The following RUFY4 variants were observed in gnomAD, a reference collection of about 807,000 sequenced individuals.
The protein encoded by RUFY4 is RUN and FYVE domain-containing protein 4.
In RUFY4, 73 loss-of-function variants were observed where a neutral mutation model predicts 69.0. That is an observed-to-expected ratio of 1.06 (90% CI 0.88 to 1.29). The LOEUF is 1.29. Among genes scored for constraint, RUFY4 ranks in the 50% most tolerant of loss-of-function variants. RUFY4 has a pLI of 0.00. For missense variants in RUFY4, 770 were observed against 705.6 expected, an observed-to-expected ratio of 1.09 and a Z score of -1.03; for synonymous variants, 287 against 271.8, an observed-to-expected ratio of 1.06 and a Z score of -0.55.
chr2:218,073,022 G>A, intron 4 of RUFY4, 137 bp downstream of exon 6: 1 of 956,712 alleles, frequency 1.0e-6, no homozygotes, highest in Non-Finnish European at 1.5e-6. Flanking sequence ...GAAAAATCAA[G>A]GGAGAAAGGG....
rs549321447 is a variant in RUFY4 at position 218,055,760 on chromosome 2, G to A, written c.-1157-2835G>A. On this transcript the variant is annotated intron_variant and NMD_transcript_variant, in intron 2 of 13. Transcript: ENST00000457754. Reference sequence around the variant, plus strand: ...CATGCCTGATGTATGGGTCCACCCAGAATGTTCACCAACCATCCCCGCCAC... The same window carrying A: ...CATGCCTGATGTATGGGTCCACCCAAAATGTTCACCAACCATCCCCGCCAC... Among the ~76,000 whole-genome samples, 5 of 152,260 alleles carry A rather than the reference G, an allele frequency of 3.3e-5. 1 individual carries two copies. In the South Asian group the frequency reaches 1.0e-3, roughly 32 times the overall value.
At chr2:218,051,760 G>A (rs942212704) in intron 2 of RUFY4, among the ~76,000 whole-genome samples, 6 of 151,998 alleles carry the variant, frequency 3.9e-5, no homozygotes, top group Non-Finnish European at 8.8e-5. Context: ...CTGACATCAG[G>A]GGTACCATGG....
At chr2:218,047,041 TAAAA>T (rs201363231) in intron 2 of RUFY4, among the ~76,000 whole-genome samples, 1 of 123,248 alleles carries the variant, frequency 8.1e-6, no homozygotes. Context: ...TCATTGTGGT[TAAAA>T]AAAAAAAAAA....
chr2:218,075,053 G>C, intron 6 of RUFY4, 40 bp from the exon 9 acceptor site: 1 of 1,474,384 alleles, frequency 6.8e-7, no homozygotes, highest in Non-Finnish European at 9.0e-7. Context: ...TCAGTGAATT[G>C]GTGCTGAGAG....
chr2:218,050,336 G>C (rs1688915231), intron 2 of RUFY4, among the ~76,000 whole-genome samples: 1 of 152,186 alleles, frequency 6.6e-6, no homozygotes, highest in Non-Finnish European at 1.5e-5. Context: ...AACTCACCAA[G>C]CTACAGTAGG....
At chr2:218,045,995 A>G (rs1688818360) in intron 2 of RUFY4, among the ~76,000 whole-genome samples, 1 of 151,926 alleles carries the variant, frequency 6.6e-6, no homozygotes, top group Non-Finnish European at 1.5e-5. Flanking sequence ...TTTAGTAGAG[A>G]CAGGGTTTCA....
chr2:218,076,876 A>G (rs1689647106), intron 8 of RUFY4, among the ~76,000 whole-genome samples: 1 of 151,252 alleles, frequency 6.6e-6, no homozygotes, highest in South Asian at 2.1e-4. Context: ...TCCCTACTCC[A>G]CTGGACTTCT....
intron 2 of RUFY4, among the ~76,000 whole-genome samples, chr2:218,053,010 A>G (rs1335151927): frequency 1.3e-5 from 2 of 152,162 alleles, no homozygotes; most frequent in East Asian, 3.8e-4. Flanking sequence ...CCCAGGCTCA[A>G]GTGCAATCGC....
At chr2:218,046,303 T>C (rs1327889902) in intron 2 of RUFY4, among the ~76,000 whole-genome samples, 1 of 152,112 alleles carries the variant, frequency 6.6e-6, no homozygotes, top group African/African-American at 2.4e-5. Flanking sequence ...TCCTGTCTAA[T>C]TGTGTATCCT....
chr2:218,074,024 G>A (rs1015997571), intron 6 of RUFY4, 139 bp downstream of exon 8: 7 of 847,174 alleles, frequency 8.3e-6, no homozygotes, highest in Non-Finnish European at 1.4e-5. Flanking sequence ...AGAGGCCAGT[G>A]TGTGGAGCAG....
intron 10 of RUFY4, 21 bp downstream of exon 12, chr2:218,089,383 T>C (rs768106490): frequency 6.2e-7 from 1 of 1,602,056 alleles, no homozygotes; most frequent in African/African-American, 1.3e-5. Context: ...GGGCACAGAA[T>C]CCTCCCTCTG....
At chr2:218,073,741 G>T in intron 5 of RUFY4, 75 bp from the exon 8 acceptor site, 1 of 1,522,220 alleles carries the variant, frequency 6.6e-7, no homozygotes, top group South Asian at 1.1e-5. Flanking sequence ...GTGGAAAGAT[G>T]GGATACCCTC....
At chr2:218,084,541 C>T (rs932834310) in intron 9 of RUFY4, among the ~76,000 whole-genome samples, 5 of 152,008 alleles carry the variant, frequency 3.3e-5, no homozygotes, top group Non-Finnish European at 5.9e-5. Context: ...AATCCTCTTA[C>T]ACAATATCCA....
intron 2 of RUFY4, among the ~76,000 whole-genome samples, chr2:218,054,540 G>T (rs1242278094): frequency 7.0e-6 from 1 of 141,980 alleles, no homozygotes; most frequent in African/African-American, 2.7e-5. Context: ...GGGCGACAGA[G>T]TGAGACTCTG....
At chr2:218,071,800 G>A (rs1296251834) in intron 2 of RUFY4, among the ~76,000 whole-genome samples, 2 of 152,194 alleles carry the variant, frequency 1.3e-5, no homozygotes, top group African/African-American at 4.8e-5. Flanking sequence ...ATCGGGAGGA[G>A]AAGAGGATGA....
chr2:218,044,504 G>GGGGTTTGT (rs1164353690), intron 2 of RUFY4, among the ~76,000 whole-genome samples: 4 of 152,104 alleles, frequency 2.6e-5, no homozygotes, highest in African/African-American at 9.6e-5. Flanking sequence ...TTGTGTCATG[G>GGGGTTTGT]GGGTTTGTTG....
intron 9 of RUFY4, among the ~76,000 whole-genome samples, chr2:218,085,761 G>A (rs1244048152): frequency 1.3e-5 from 2 of 152,188 alleles, no homozygotes; most frequent in African/African-American, 4.8e-5. Context: ...TTCACTAAAG[G>A]AATTCAAGTG....
In RUFY4 at chr2:218,061,232, G is replaced by A. The variant is rs553037813; in HGVS notation, c.-1071+2551G>A. ...GCATCGGCAGGGAGTTTCACATCAC[G>A]TTCAGTAGAAACATCAGGGCATAGA... On this transcript the variant is annotated intron_variant and NMD_transcript_variant, in intron 3 of 13. Transcript: ENST00000457754. 3.5e-4 allele frequency: 129 copies of A among 373,776 alleles called. 2 individuals are homozygous for A. Among genetic ancestry groups the A allele is most frequent in the South Asian group, 1.2e-3 (59 of 48,024 alleles). The allele number at this position is 373,776 out of a possible 1,614,324, so 23.2% of individuals were successfully genotyped here. A position where few individuals can be genotyped will look rare whatever the true frequency, so the allele number is the denominator to read the frequency against.
rs370879584 is a variant in RUFY4 at position 218,089,994 on chromosome 2, C to T, written c.1656C>T (p.Tyr552=). 246 of 1,569,606 alleles carry T rather than the reference C, an allele frequency of 1.6e-4. 1 individual carries two copies. In the African/African-American group the frequency reaches 3.1e-3, roughly 20 times the overall value. ...TCTGCCATGCTTGCTCCATGGATTA[C>T]AAGAAGAGAGACCGCTGCTGCCCAC... is the stretch of plus-strand genomic sequence containing the variant. The change falls in exon 11 of 11, where the codon TAC becomes TAT. Residue 552 remains tyrosine, a synonymous_variant. Coordinates refer to ENST00000344321, the Ensembl canonical transcript of RUFY4.
Sources: gnomAD v4.1 joint callset for allele counts (sites outside exome capture counted in the v4.1 genomes callset) on GRCh38, gnomAD v4.1.1 for gene constraint, MANE v1.5 for transcripts, NCBI Gene and HGNC (gene_info 2026-07-23, HGNC 2026-07-21) for gene names.